EPHA6: variants seen among roughly 807,000 people sequenced by gnomAD.
EPHA6 encodes EPH receptor A6.
EPHA6 carries 50 observed loss-of-function variants against 112.0 expected under a neutral mutation model. The ratio of observed to expected loss-of-function variants is 0.45; its 90% confidence interval spans 0.36 to 0.56. EPHA6 has a LOEUF of 0.56. Ranked by LOEUF, EPHA6 falls within the 20% of genes least tolerant of loss-of-function variation. The probability of loss-of-function intolerance (pLI) is 0.00; values close to 1 mark genes in which losing one functional copy is unlikely to be tolerated. For synonymous variants in EPHA6, 529 were observed against 490.7 expected, an observed-to-expected ratio of 1.08 and a Z score of -1.03; for missense variants, 1,280 against 1,417.4, an observed-to-expected ratio of 0.90 and a Z score of 1.56.
At chr3:97,341,597 C>T (rs2083306449) in intron 5 of EPHA6, among the ~76,000 whole-genome samples, 1 of 152,126 alleles carries the variant, frequency 6.6e-6, no homozygotes, top group African/African-American at 2.4e-5. Context: ...TCGTGATCCA[C>T]CTGCCTCGGG....
chr3:96,854,610 ATG>A (rs1297254929), intron 1 of EPHA6, among the ~76,000 whole-genome samples: 1 of 152,060 alleles, frequency 6.6e-6, no homozygotes, highest in African/African-American at 2.4e-5. Context: ...ATATATGTAT[ATG>A]TGTGTGTGTA....
At chr3:97,388,814 G>T (rs1435871856) in intron 5 of EPHA6, among the ~76,000 whole-genome samples, 3 of 152,168 alleles carry the variant, frequency 2.0e-5, no homozygotes, top group Non-Finnish European at 4.4e-5. Context: ...TATATTAAGT[G>T]TAGAGGGAGT....
chr3:97,131,329 A>G (rs1411068691), intron 3 of EPHA6, among the ~76,000 whole-genome samples: 1 of 152,102 alleles, frequency 6.6e-6, no homozygotes, highest in African/African-American at 2.4e-5. Context: ...GATACTTAAT[A>G]CACCCTTGTC....
chr3:97,293,448 G>A (rs987936448), intron 5 of EPHA6, among the ~76,000 whole-genome samples: 5 of 152,054 alleles, frequency 3.3e-5, no homozygotes, highest in South Asian at 2.1e-4. Flanking sequence ...CCCAGTGAGC[G>A]TCCAGCTCTC....
intron 3 of EPHA6, among the ~76,000 whole-genome samples, chr3:97,096,326 G>A (rs2047238247): frequency 6.6e-6 from 1 of 151,122 alleles, no homozygotes; most frequent in South Asian, 2.1e-4. Context: ...TATCTATATA[G>A]TTGAGTGCCG....
intron 2 of EPHA6, among the ~76,000 whole-genome samples, chr3:96,952,001 A>G (rs958967936): frequency 5.3e-5 from 8 of 152,144 alleles, no homozygotes; most frequent in African/African-American, 1.9e-4. Context: ...TTGGTTTGAT[A>G]TAAGGACAGA....
At chr3:97,572,260 C>T (rs999955352) in intron 11 of EPHA6, among the ~76,000 whole-genome samples, 2 of 150,884 alleles carry the variant, frequency 1.3e-5, no homozygotes, top group East Asian at 3.9e-4. Context: ...ATGCCATTCT[C>T]CCGCCTCAGC....
chr3:96,817,003 T>G (rs2032844473), intron 1 of EPHA6, among the ~76,000 whole-genome samples: 2 of 152,016 alleles, frequency 1.3e-5, no homozygotes, highest in South Asian at 4.1e-4. Flanking sequence ...ATTATCCAAT[T>G]TTCCCATCAG....
At chr3:97,022,052 T>C (rs1344953630) in intron 3 of EPHA6, among the ~76,000 whole-genome samples, 1 of 152,200 alleles carries the variant, frequency 6.6e-6, no homozygotes, top group African/African-American at 2.4e-5. Flanking sequence ...ACACATATAA[T>C]GAAGCATTGA....
intron 3 of EPHA6, among the ~76,000 whole-genome samples, chr3:97,113,691 A>G (rs1576511023): frequency 6.6e-6 from 1 of 152,088 alleles, no homozygotes; most frequent in Non-Finnish European, 1.5e-5. Context: ...ATCCAGAAGT[A>G]ACATTTTTTA....
intron 3 of EPHA6, among the ~76,000 whole-genome samples, chr3:97,040,492 A>G (rs1193051810): frequency 1.3e-5 from 2 of 152,034 alleles, no homozygotes; most frequent in Admixed American, 6.6e-5. Flanking sequence ...GCCATTTTCA[A>G]TTTATCATGG....
chr3:97,272,634 G>T (rs541010339), intron 5 of EPHA6, among the ~76,000 whole-genome samples: 3 of 152,136 alleles, frequency 2.0e-5, no homozygotes, highest in South Asian at 4.2e-4. Context: ...CAGTCAAAGG[G>T]GGGTGTTCTC....
intron 2 of EPHA6, among the ~76,000 whole-genome samples, chr3:96,915,423 A>G (rs1237744910): frequency 6.6e-6 from 1 of 152,110 alleles, no homozygotes; most frequent in Non-Finnish European, 1.5e-5. Flanking sequence ...ATGATTACAG[A>G]CTGCTATTAT....
intron 3 of EPHA6, among the ~76,000 whole-genome samples, chr3:97,222,553 A>G (rs145270489): frequency 1.7e-3 from 266 of 152,342 alleles, no homozygotes; most frequent in African/African-American, 6.0e-3. Flanking sequence ...TCATCTTGCA[A>G]TATTAGAATA....
chr3:97,313,263 T>G (rs2081645730), intron 5 of EPHA6, among the ~76,000 whole-genome samples: 2 of 151,636 alleles, frequency 1.3e-5, no homozygotes, highest in Admixed American at 1.3e-4. Flanking sequence ...ATTGTATATA[T>G]ACCACATTTT....
intron 11 of EPHA6, among the ~76,000 whole-genome samples, chr3:97,542,762 T>A (rs550749018): frequency 6.6e-6 from 1 of 152,196 alleles, no homozygotes; most frequent in African/African-American, 2.4e-5. Context: ...ACCTGTTGTT[T>A]CCTGACTTTT....
At chr3:97,252,538 C>T (rs2079172905) in intron 5 of EPHA6, among the ~76,000 whole-genome samples, 1 of 152,114 alleles carries the variant, frequency 6.6e-6, no homozygotes, top group Non-Finnish European at 1.5e-5. Flanking sequence ...GAACAGGCAA[C>T]CCAGGAATGT....
At chr3:97,559,615 T>C (rs1371519887) in intron 11 of EPHA6, 1 of 455,506 alleles carries the variant, frequency 2.2e-6, no homozygotes, top group Non-Finnish European at 4.4e-6. Context: ...ATGACATATA[T>C]CCTCAGGGCA....
chr3:97,548,256 T>C (rs914664369), intron 11 of EPHA6, among the ~76,000 whole-genome samples: 10 of 152,160 alleles, frequency 6.6e-5, no homozygotes, highest in Non-Finnish European at 7.3e-5. Flanking sequence ...GTTATGCATT[T>C]TTGGCAGTGG....
Sources: gnomAD v4.1 joint callset for allele counts (sites outside exome capture counted in the v4.1 genomes callset) on GRCh38, gnomAD v4.1.1 for gene constraint, MANE v1.5 for transcripts, NCBI Gene and HGNC (gene_info 2026-07-23, HGNC 2026-07-21) for gene names.